TNKS: variants seen among roughly 807,000 people sequenced by gnomAD.
TNKS encodes tankyrase.
In TNKS, 72 loss-of-function variants were observed where a neutral mutation model predicts 135.8. That is an observed-to-expected ratio of 0.53 (90% confidence interval 0.44 to 0.64). The LOEUF (loss-of-function observed/expected upper bound fraction) is 0.64, where lower values mean the gene tolerates loss of function less well. TNKS is among the 30% of genes least tolerant of loss of function. The pLI is 0.00. For synonymous variants in TNKS, 849 were observed against 649.3 expected (o/e 1.31, Z -4.68); for missense variants, 1,769 against 1,674.0 (o/e 1.06, Z -0.99).
At chr8:9,644,592 G>A (rs1429088566) in intron 3 of TNKS, among the ~76,000 whole-genome samples, 3 of 152,218 alleles carry the variant, frequency 2.0e-5, no homozygotes, top group East Asian at 3.9e-4. Flanking sequence ...TTTGGAACCT[G>A]TTTTAGTTTC....
intron 2 of TNKS, among the ~76,000 whole-genome samples, chr8:9,585,404 A>G (rs1798336105): frequency 1.3e-5 from 2 of 152,214 alleles, no homozygotes; most frequent in Non-Finnish European, 2.9e-5. Flanking sequence ...TAAACAAATG[A>G]TAAGAAAGAG....
chr8:9,560,336 T>C (rs1009269215), intron 1 of TNKS, among the ~76,000 whole-genome samples: 2 of 151,966 alleles, frequency 1.3e-5, no homozygotes, highest in African/African-American at 4.8e-5. Flanking sequence ...ACGACTTGGA[T>C]TATGATAGGT....
chr8:9,750,011 A>G (rs1343825079), intron 18 of TNKS, among the ~76,000 whole-genome samples: 1 of 152,146 alleles, frequency 6.6e-6, no homozygotes, highest in African/African-American at 2.4e-5. Context: ...CCATCAGCCA[A>G]AAGCTCCACC....
intron 3 of TNKS, among the ~76,000 whole-genome samples, chr8:9,644,022 A>G (rs1800818807): frequency 6.6e-6 from 1 of 152,208 alleles, no homozygotes; most frequent in African/African-American, 2.4e-5. Flanking sequence ...GACAGTCACA[A>G]AAGGACAGAT....
Position 9,765,709 on chromosome 8 carries a change from C to T in TNKS, c.3465C>T (p.Asn1155=). Residue 1155 remains asparagine, a synonymous_variant, in exon 24 of 27, where the codon AAC becomes AAT. Coordinates refer to ENST00000310430, the MANE Select transcript of TNKS (RefSeq NM_003747.3). ...YNVIRIQKVV[N]KKLRERFCHR... The stretch of plus-strand genomic sequence containing the variant: ...CCTTAAAGATTCAAAAAGTTGTCAA[C>T]AAGAAGTTGAGGGAGCGGTTCTGCC... 2 of 1,613,698 alleles carry T rather than the reference C, an allele frequency of 1.2e-6. No homozygotes were observed. Among genetic ancestry groups the T allele is most frequent in the South Asian group, 1.1e-5 (1 of 91,026 alleles).
At chr8:9,592,058 T>G (rs1798609849) in intron 2 of TNKS, among the ~76,000 whole-genome samples, 1 of 152,174 alleles carries the variant, frequency 6.6e-6, no homozygotes, top group Non-Finnish European at 1.5e-5. Context: ...GATTTAACAG[T>G]AAAAGCCAGG....
intron 2 of TNKS, among the ~76,000 whole-genome samples, chr8:9,590,665 G>A (rs1281722498): frequency 6.6e-6 from 1 of 152,146 alleles, no homozygotes; most frequent in Non-Finnish European, 1.5e-5. Context: ...TGCCTGATAA[G>A]TAATGATGTT....
At chr8:9,697,056 C>T (rs1171386888) in intron 5 of TNKS, among the ~76,000 whole-genome samples, 1 of 152,060 alleles carries the variant, frequency 6.6e-6, no homozygotes, top group Non-Finnish European at 1.5e-5. Context: ...ACTATACTGT[C>T]AGGCTACAAT....
At chr8:9,683,874 G>A (rs986148447) in intron 5 of TNKS, among the ~76,000 whole-genome samples, 2 of 151,760 alleles carry the variant, frequency 1.3e-5, no homozygotes, top group Non-Finnish European at 2.9e-5. Flanking sequence ...GTTTTATACA[G>A]TTTATATTGT....
At chr8:9,756,331 C>G (rs368784829) in intron 20 of TNKS, among the ~76,000 whole-genome samples, 5 of 152,064 alleles carry the variant, frequency 3.3e-5, no homozygotes, top group African/African-American at 1.2e-4. Context: ...AGTTTTCTCT[C>G]CCCACCCAAA....
chr8:9,770,757 C>T (rs1346269695), intron 26 of TNKS, among the ~76,000 whole-genome samples: 1 of 152,188 alleles, frequency 6.6e-6, no homozygotes, highest in Non-Finnish European at 1.5e-5. Context: ...GTATTTTATA[C>T]TGTGCCTTCA....
intron 11 of TNKS, among the ~76,000 whole-genome samples, chr8:9,712,988 C>T (rs994630658): frequency 1.3e-5 from 2 of 152,090 alleles, no homozygotes; most frequent in African/African-American, 4.8e-5. Flanking sequence ...AATAGTATAG[C>T]ACTTCTTGGT....
chr8:9,618,928 G>T (rs747710705), intron 3 of TNKS, among the ~76,000 whole-genome samples: 5 of 152,186 alleles, frequency 3.3e-5, no homozygotes, highest in African/African-American at 1.2e-4. Context: ...TTACATAAAT[G>T]TTCCCAAAGA....
intron 3 of TNKS, among the ~76,000 whole-genome samples, chr8:9,659,152 C>A (rs1053033182): frequency 3.3e-5 from 5 of 152,156 alleles, no homozygotes; most frequent in Admixed American, 6.5e-5. Flanking sequence ...TTTAACACCC[C>A]ACTGTCAACA....
intron 1 of TNKS, among the ~76,000 whole-genome samples, chr8:9,571,469 T>G (rs1182845869): frequency 6.6e-6 from 1 of 152,124 alleles, no homozygotes; most frequent in Non-Finnish European, 1.5e-5. Context: ...CGTTTTTTTC[T>G]TTTTTTGAGA....
At chr8:9,746,182 G>T (rs1199930608) in intron 17 of TNKS, among the ~76,000 whole-genome samples, 1 of 152,212 alleles carries the variant, frequency 6.6e-6, no homozygotes, top group Non-Finnish European at 1.5e-5. Context: ...AAATGTGCCA[G>T]TTGCACCAAA....
At chr8:9,740,483 A>C (rs943080465) in intron 17 of TNKS, among the ~76,000 whole-genome samples, 13 of 152,158 alleles carry the variant, frequency 8.5e-5, no homozygotes, top group Admixed American at 6.5e-5. Context: ...GACCCATTTT[A>C]CAAAGACCTG....
At chr8:9,738,836 G>T (rs992087679) in intron 17 of TNKS, among the ~76,000 whole-genome samples, 2 of 122,500 alleles carry the variant, frequency 1.6e-5, no homozygotes, top group Non-Finnish European at 3.4e-5. Flanking sequence ...GGTCAATTTT[G>T]GAATAGGTGT....
intron 2 of TNKS, among the ~76,000 whole-genome samples, chr8:9,588,165 G>T (rs969580048): frequency 7.9e-5 from 12 of 152,196 alleles, no homozygotes; most frequent in Non-Finnish European, 1.6e-4. Context: ...CAAATTAGGT[G>T]TGGAGAGTCC....
Sources: allele counts gnomAD v4.1 joint callset (sites outside exome capture counted in the v4.1 genomes callset), GRCh38; gene constraint gnomAD v4.1.1; transcripts MANE v1.5; gene names NCBI Gene and HGNC (gene_info 2026-07-23, HGNC 2026-07-21).